Variants in EIF4G3 observed in about 807,000 individuals in gnomAD.
The protein encoded by EIF4G3 is eIF-4-gamma 3.
In EIF4G3, 34 loss-of-function variants were observed where a neutral mutation model predicts 186.4. That is an observed-to-expected ratio of 0.18 (90% CI 0.14 to 0.24). The LOEUF is 0.24. Ranked by LOEUF, EIF4G3 falls within the 10% of genes least tolerant of loss-of-function variation. The pLI is 1.00. For missense variants in EIF4G3, 1,536 were observed against 1,948.5 expected, an observed-to-expected ratio of 0.79 and a Z score of 3.99; for synonymous variants, 673 against 679.5, an observed-to-expected ratio of 0.99 and a Z score of 0.15.
chr1:20,875,581 T>C (rs1443177473), intron 20 of EIF4G3, among the ~76,000 whole-genome samples: 1 of 152,238 alleles, frequency 6.6e-6, no homozygotes, highest in Non-Finnish European at 1.5e-5. Flanking sequence ...ATGTTAGTCA[T>C]ATTTCAATAA....
chr1:20,908,635 G>T (rs1255572908), intron 14 of EIF4G3, among the ~76,000 whole-genome samples: 1 of 152,150 alleles, frequency 6.6e-6, no homozygotes, highest in African/African-American at 2.4e-5. Context: ...ATAAATGGAA[G>T]AGTCTCTTAG....
intron 18 of EIF4G3, chr1:20,893,062 C>G: frequency 4.4e-6 from 1 of 227,758 alleles, no homozygotes; most frequent in African/African-American, 2.3e-5. Context: ...TATAAGCATG[C>G]GCCAGCATGC....
chr1:20,837,716 A>G (rs7515500), intron 30 of EIF4G3, among the ~76,000 whole-genome samples: 3,967 of 152,294 alleles, frequency 0.026, 168 homozygotes, highest in African/African-American at 0.089. Flanking sequence ...CATGGCTCCA[A>G]TGAAATGGCC....
At chr1:21,167,683 G>A (rs963940135) in intron 2 of EIF4G3, among the ~76,000 whole-genome samples, 18 of 152,218 alleles carry the variant, frequency 1.2e-4, no homozygotes, top group Non-Finnish European at 1.5e-4. Flanking sequence ...GCTTGAACCC[G>A]GGAGGTGGAG....
At chr1:21,145,690 A>G (rs1449666316) in intron 2 of EIF4G3, among the ~76,000 whole-genome samples, 1 of 152,214 alleles carries the variant, frequency 6.6e-6, no homozygotes, top group African/African-American at 2.4e-5. Context: ...AAAACCATTC[A>G]GTTATCTAGT....
intron 4 of EIF4G3, among the ~76,000 whole-genome samples, chr1:21,033,813 C>T (rs889961894): frequency 3.9e-5 from 6 of 152,206 alleles, no homozygotes; most frequent in Middle Eastern, 3.4e-3. Context: ...AAAGGCCACG[C>T]GTGATAGCTT....
At chr1:20,966,924 A>G (rs1023141877) in intron 12 of EIF4G3, among the ~76,000 whole-genome samples, 2 of 152,230 alleles carry the variant, frequency 1.3e-5, no homozygotes, top group African/African-American at 4.8e-5. Context: ...TTTGGATTTA[A>G]AAGCATGAAA....
intron 29 of EIF4G3, among the ~76,000 whole-genome samples, chr1:20,844,345 C>A (rs997926566): frequency 4.6e-5 from 7 of 152,196 alleles, no homozygotes; most frequent in African/African-American, 1.7e-4. Flanking sequence ...GTCATTCTGA[C>A]TGGTATTAGA....
At chr1:21,109,764 G>A (rs1466475903) in intron 2 of EIF4G3, among the ~76,000 whole-genome samples, 2 of 152,052 alleles carry the variant, frequency 1.3e-5, no homozygotes, top group African/African-American at 2.4e-5. Flanking sequence ...GAAGTGTATG[G>A]CCCATTTCAA....
chr1:20,826,050 GA>G (rs1256771215), intron 32 of EIF4G3, among the ~76,000 whole-genome samples: 3 of 152,188 alleles, frequency 2.0e-5, no homozygotes, highest in African/African-American at 7.2e-5. Flanking sequence ...AGTTGAACCA[GA>G]ATTTGAACTC....
intron 14 of EIF4G3, among the ~76,000 whole-genome samples, chr1:20,927,342 G>C (rs2094976576): frequency 1.3e-5 from 2 of 152,202 alleles, no homozygotes. Flanking sequence ...AGCAAAGCTA[G>C]GATGAAATAA....
chr1:21,080,558 C>T (rs1268164027), intron 3 of EIF4G3, among the ~76,000 whole-genome samples: 1 of 152,046 alleles, frequency 6.6e-6, no homozygotes, highest in Non-Finnish European at 1.5e-5. Flanking sequence ...TGCCCAGGCT[C>T]GAGTGCAATG....
At chr1:21,160,610 T>TGA (rs1268452236) in intron 2 of EIF4G3, among the ~76,000 whole-genome samples, 1 of 152,076 alleles carries the variant, frequency 6.6e-6, no homozygotes, top group African/African-American at 2.4e-5. Context: ...TATGGGGCAA[T>TGA]GAGAAGGAAT....
Position 20,840,076 on chromosome 1 carries a change from G to A in EIF4G3, c.4061+780C>T, listed in dbSNP as rs183797716. On this transcript the variant is annotated intron_variant, in intron 30 of 36. Transcript: ENST00000602326. ...CCTTAGAGAGTGGGCATCTGTCAGTGCTGGGTGTGACTCTGTGTTTATATT... is the reference window on the plus strand; with the variant it reads ...CCTTAGAGAGTGGGCATCTGTCAGTACTGGGTGTGACTCTGTGTTTATATT... 2.7e-4 allele frequency among the ~76,000 whole-genome samples: 41 copies of A among 152,266 alleles called. No individual in the cohort carries two copies. In the East Asian group the frequency reaches 6.6e-3, roughly 24 times the overall value.
At chr1:21,162,054 G>C (rs575064986) in intron 2 of EIF4G3, 1 of 159,308 alleles carries the variant, frequency 6.3e-6, no homozygotes, top group East Asian at 1.6e-4. Flanking sequence ...TATTCATTTA[G>C]AGATGGTGAC....
chr1:20,870,797 TG>T (rs1224151864), intron 20 of EIF4G3, among the ~76,000 whole-genome samples: 13 of 152,224 alleles, frequency 8.5e-5, no homozygotes, highest in Non-Finnish European at 1.6e-4. Context: ...TTATTATTCA[TG>T]AAGGGAGTCT....
rs1487690643 is a variant in EIF4G3, at chr1:21,028,535, C to T, written c.-67+22331G>A. Among the ~76,000 whole-genome samples the T allele has an allele frequency of 6.6e-5, 10 of 152,162 alleles. No homozygotes were observed. In the East Asian group the frequency reaches 1.3e-3, roughly 21 times the overall value. On this transcript the variant is annotated intron_variant, in intron 4 of 36. Coordinates refer to ENST00000602326, the MANE Select transcript of EIF4G3 (RefSeq NM_001391906.1). ...GAGTGGCTTCAAAGATATTGATAAT[C>T]GACTTAAGGTGAGTGGTGGTTGGTT...
intron 4 of EIF4G3, among the ~76,000 whole-genome samples, chr1:21,040,767 G>A (rs1226524358): frequency 6.6e-6 from 1 of 152,128 alleles, no homozygotes; most frequent in Admixed American, 6.5e-5. Context: ...AGTCCCTGTG[G>A]ATGAACCCTA....
intron 35 of EIF4G3, among the ~76,000 whole-genome samples, chr1:20,812,782 T>C (rs1315479356): frequency 6.6e-6 from 1 of 152,234 alleles, no homozygotes. Flanking sequence ...ACTTTTTTGA[T>C]GAGAATAACC....
Sources: allele counts gnomAD v4.1 joint callset (sites outside exome capture counted in the v4.1 genomes callset), GRCh38; gene constraint gnomAD v4.1.1; transcripts MANE v1.5; gene names NCBI Gene and HGNC (gene_info 2026-07-23, HGNC 2026-07-21).